Variants in SLC19A1 observed in about 807,000 individuals in gnomAD.
SLC19A1 encodes solute carrier family 19 member 1.
SLC19A1 carries 37 observed loss-of-function variants against 35.3 expected under a neutral mutation model. The ratio of observed to expected loss-of-function variants is 1.05; its 90% confidence interval spans 0.81 to 1.38. SLC19A1 has a LOEUF of 1.38. SLC19A1 is among the 40% of genes most tolerant of loss of function. The probability of loss-of-function intolerance (pLI) is 0.00; values close to 1 mark genes in which losing one functional copy is unlikely to be tolerated. For synonymous variants in SLC19A1, 460 were observed against 398.5 expected, an observed-to-expected ratio of 1.15 and a Z score of -1.84; for missense variants, 831 against 826.9, an observed-to-expected ratio of 1.00 and a Z score of -0.06.
At chr21:45,548,696 A>G (rs1383658864), upstream of SLC19A1, among the ~76,000 whole-genome samples, 1 of 152,186 alleles carries the variant, frequency 6.6e-6, no homozygotes, top group African/African-American at 2.4e-5. Context: ...ATGAGCCGAG[A>G]GCTCACCTCT....
chr21:45,558,800 CTTTTTCT>C (rs1005844513), intron 1 of SLC19A1, among the ~76,000 whole-genome samples: 30 of 89,154 alleles, frequency 3.4e-4, no homozygotes, highest in Admixed American at 1.4e-3. Flanking sequence ...ATTGAATTTT[CTTTTTCT>C]TTTTTCTTTT....
chr21:45,507,347 G>A (rs1822233092), intron 3 of SLC19A1: 1 of 626,570 alleles, frequency 1.6e-6, no homozygotes, highest in Non-Finnish European at 2.9e-6. Context: ...TGCTGGGCAG[G>A]GAGGGCACCC....
chr21:45,506,063 T>G (rs2037186559), intron 3 of SLC19A1: 1 of 1,569,006 alleles, frequency 6.4e-7, no homozygotes, highest in Non-Finnish European at 8.7e-7. Flanking sequence ...CGGACAGGGA[T>G]GGGAGCAGGT....
At position 45,527,664 on chromosome 21, in the gene SLC19A1, G is replaced by A. The variant is rs1458183262; in HGVS notation, c.1152-1706C>T. Among the ~76,000 whole-genome samples the A allele has an allele frequency of 3.1e-5, 2 of 63,806 alleles. 1 individual carries two copies. Among genetic ancestry groups the A allele is most frequent in the Non-Finnish European group, 6.6e-5 (2 of 30,298 alleles). 41.9% of individuals were successfully genotyped at this position (63,806 alleles called of 152,430 possible). On this transcript the variant is annotated intron_variant, in intron 4 of 5. Transcript: ENST00000311124. Reference sequence around the variant, plus strand: ...GGTGAGTGGCAGTCAGTTACTGCGGGCCCTGGAGGTGAGTGGCAGCCAGGC... The same window carrying A: ...GGTGAGTGGCAGTCAGTTACTGCGGACCCTGGAGGTGAGTGGCAGCCAGGC...
intron 1 of SLC19A1, among the ~76,000 whole-genome samples, chr21:45,558,517 C>T (rs567490135): frequency 3.3e-5 from 5 of 152,204 alleles, no homozygotes; most frequent in African/African-American, 9.7e-5. Context: ...GGGGCTGTGA[C>T]CAGGCTGCAG....
In SLC19A1 at chr21:45,537,466, C is replaced by G. The variant is rs76908148; in HGVS notation, c.189+305G>C. Among the ~76,000 whole-genome samples, 33 of 147,174 alleles carry G rather than the reference C, an allele frequency of 2.2e-4. 1 individual carries two copies. The East Asian group carries it at 6.7e-3, about 30-fold the overall frequency. On this transcript the variant is annotated intron_variant, in intron 2 of 5. Coordinates refer to ENST00000311124, the MANE Select transcript of SLC19A1 (RefSeq NM_194255.4). Reference sequence around the variant, plus strand: ...CGTGCCTATTCCAGAAGCTGCTCCCCGCCCACCCACAGGCGGCCGCCCAGC... The same window carrying G: ...CGTGCCTATTCCAGAAGCTGCTCCCGGCCCACCCACAGGCGGCCGCCCAGC...
At chr21:45,510,094 T>G, downstream of SLC19A1, 1 of 1,587,392 alleles carries the variant, frequency 6.3e-7, no homozygotes, top group Non-Finnish European at 8.5e-7. Flanking sequence ...CAGCCCCCTG[T>G]CAGGCGGCAT....
chr21:45,555,638 AGGGCGGGGCG>A (rs571689463), intron 1 of SLC19A1, among the ~76,000 whole-genome samples: 2 of 34,340 alleles, frequency 5.8e-5, no homozygotes, highest in African/African-American at 2.0e-4. Flanking sequence ...GGGACTCAGG[AGGGCGGGGCG>A]GGGCGGGGCG....
At chr21:45,562,163 T>G (rs1602969860) in intron 1 of SLC19A1, among the ~76,000 whole-genome samples, 2 of 143,150 alleles carry the variant, frequency 1.4e-5, no homozygotes, top group Admixed American at 7.0e-5. Context: ...AATCCAGAAA[T>G]GCACACTAAC....
At chr21:45,510,172 T>C, downstream of SLC19A1, 1 of 1,595,710 alleles carries the variant, frequency 6.3e-7, no homozygotes, top group Middle Eastern at 1.7e-4. Context: ...GGCGGGCACC[T>C]TCCGCGCCTT....
chr21:45,549,367 G>A (rs1179263454), upstream of SLC19A1, among the ~76,000 whole-genome samples: 1 of 152,042 alleles, frequency 6.6e-6, no homozygotes, highest in Non-Finnish European at 1.5e-5. Flanking sequence ...TGTCTGATGG[G>A]GGTAGAGGTT....
At chr21:45,518,630 T>C (rs1343219614) in intron 5 of SLC19A1, among the ~76,000 whole-genome samples, 1 of 151,890 alleles carries the variant, frequency 6.6e-6, no homozygotes, top group Non-Finnish European at 1.5e-5. Context: ...AAAATGACAC[T>C]TTACGGGCAA....
chr21:45,512,090 G>GGGCT, downstream of SLC19A1: 1 of 1,353,094 alleles, frequency 7.4e-7, no homozygotes, highest in Non-Finnish European at 1.0e-6. Context: ...GGTAACCCCA[G>GGGCT]GGCTGGCCTC....
intron 3 of SLC19A1, chr21:45,504,230 A>AGTTTTTGG: frequency 8.8e-6 from 8 of 911,858 alleles, no homozygotes; most frequent in Middle Eastern, 6.6e-4. Flanking sequence ...TCCCCGGCTC[A>AGTTTTTGG]GTTTTTGGGG....
chr21:45,553,246 C>T (rs1286115306), intron 1 of SLC19A1, among the ~76,000 whole-genome samples: 2 of 152,006 alleles, frequency 1.3e-5, no homozygotes, highest in Non-Finnish European at 2.9e-5. Context: ...CTCCCACCGG[C>T]CTAAGGGGAC....
chr21:45,551,212 C>A (rs2078463206), intron 1 of SLC19A1, among the ~76,000 whole-genome samples: 1 of 151,782 alleles, frequency 6.6e-6, no homozygotes, highest in Non-Finnish European at 1.5e-5. Flanking sequence ...CGAGACACTG[C>A]ACTCCAGCCT....
Position 45,504,463 on chromosome 21 carries a change from G to C in SLC19A1, c.498-5851C>G, listed in dbSNP as rs775685523. On this transcript the variant is annotated intron_variant, in intron 3 of 4. Transcript: ENST00000417954. ...ATGCAGGACAGAAAGGCGAAAGGGG[G>C]GAGCCCGGGGGCGGCGGTTTCTTCG... 2.5e-6 allele frequency: 4 copies of C among 1,610,698 alleles called. No individual in the cohort carries two copies. The South Asian group carries it at 4.4e-5, about 18-fold the overall frequency.
In SLC19A1 at chr21:45,515,917, T is replaced by A. The variant is rs1383687966; in HGVS notation, c.1517A>T (p.Asp506Val). 2.5e-5 allele frequency: 39 copies of A among 1,548,680 alleles called. No homozygotes were observed. Among genetic ancestry groups the A allele is most frequent in the Non-Finnish European group, 3.1e-5 (36 of 1,147,118 alleles). ...PAQSPPLSPE[D>V]SLGAVGPASL... ...GGCTGGCCCCACAGCCCCCAGGCTGTCTTCTGGGGAAAGCGGCGGGCTCTG... is the reference window on the plus strand; with the variant it reads ...GGCTGGCCCCACAGCCCCCAGGCTGACTTCTGGGGAAAGCGGCGGGCTCTG... Residue 506 changes from aspartate to valine, a missense_variant, in exon 6 of 6, where the codon GAC becomes GTC. By Grantham distance (152) the Asp-to-Val change is radical. Transcript: ENST00000311124.
At chr21:45,510,096 A>G (rs9980939), downstream of SLC19A1, 15,170 of 1,588,520 alleles carry the variant, frequency 9.5e-3, 144 homozygotes, top group African/African-American at 0.047. Flanking sequence ...GCCCCCTGTC[A>G]GGCGGCATGC....
Sources: allele counts gnomAD v4.1 joint callset (sites outside exome capture counted in the v4.1 genomes callset), GRCh38; gene constraint gnomAD v4.1.1; transcripts MANE v1.5; gene names NCBI Gene and HGNC (gene_info 2026-07-23, HGNC 2026-07-21).